The following CAMKMT variants were observed in gnomAD, a reference collection of about 807,000 sequenced individuals.
CAMKMT encodes CaM KMT.
A neutral mutation model predicts 48.0 loss-of-function variants in CAMKMT; 53 were observed. The observed-to-expected ratio is 1.10, with a 90% CI of 0.89 to 1.39. The LOEUF (loss-of-function observed/expected upper bound fraction) is 1.39, where lower values mean the gene tolerates loss of function less well. Ranked by LOEUF, CAMKMT falls within the 40% of genes most tolerant of loss-of-function variation. The pLI, the probability that CAMKMT is intolerant of heterozygous loss-of-function variation, is 0.00. For synonymous variants in CAMKMT, 165 were observed against 152.3 expected (o/e 1.08, Z -0.61); for missense variants, 428 against 402.7 (o/e 1.06, Z -0.54).
intron 3 of CAMKMT, among the ~76,000 whole-genome samples, chr2:44,522,445 TTG>T (rs1377801805): frequency 3.9e-5 from 6 of 152,234 alleles, no homozygotes; most frequent in African/African-American, 1.4e-4. Flanking sequence ...CTTCTCTCTC[TTG>T]GGCTCCTTGT....
At chr2:44,484,699 A>T (rs1298220927) in intron 3 of CAMKMT, among the ~76,000 whole-genome samples, 1 of 151,872 alleles carries the variant, frequency 6.6e-6, no homozygotes, top group African/African-American at 2.4e-5. Flanking sequence ...GACAAAAAAA[A>T]AAAAACCATA....
chr2:44,410,302 G>A (rs1390271718), intron 3 of CAMKMT, among the ~76,000 whole-genome samples: 1 of 108,504 alleles, frequency 9.2e-6, no homozygotes, highest in African/African-American at 4.3e-5. Flanking sequence ...TGTCGCCCAC[G>A]CTGGAGTGCA....
chr2:44,478,529 C>G lies in CAMKMT; in HGVS notation c.376+88224C>G, dbSNP rs958491889. The stretch of plus-strand genomic sequence containing the variant: ...CTGAATATGCTGAAATCCTTCTGCC[C>G]TTGGTTATAACACCTTTTATTTGTT... On this transcript the variant is annotated intron_variant, in intron 3 of 10. Transcript: ENST00000378494. Among the ~76,000 whole-genome samples the G allele has an allele frequency of 3.3e-5, 5 of 152,210 alleles. No homozygotes were observed. In the East Asian group the frequency reaches 9.6e-4, roughly 29 times the overall value.
chr2:44,641,320 G>A (rs1673440390), intron 3 of CAMKMT, among the ~76,000 whole-genome samples: 1 of 151,990 alleles, frequency 6.6e-6, no homozygotes, highest in East Asian at 1.9e-4. Context: ...TCCTTTCAAA[G>A]AATTATAGAG....
intron 3 of CAMKMT, among the ~76,000 whole-genome samples, chr2:44,563,897 C>G (rs1219959372): frequency 6.6e-6 from 1 of 152,106 alleles, no homozygotes; most frequent in East Asian, 1.9e-4. Context: ...TGGGTTGGTT[C>G]CAAGTCTTTG....
chr2:44,434,193 A>C (rs1242803065), intron 3 of CAMKMT, among the ~76,000 whole-genome samples: 1 of 150,250 alleles, frequency 6.7e-6, no homozygotes, highest in Non-Finnish European at 1.5e-5. Context: ...GAAACCAAGT[A>C]TTCAACTGTG....
chr2:44,444,325 A>G (rs1572889970), intron 3 of CAMKMT, among the ~76,000 whole-genome samples: 1 of 152,218 alleles, frequency 6.6e-6, no homozygotes, highest in Non-Finnish European at 1.5e-5. Flanking sequence ...GAATGACAGT[A>G]TTATAAGCTG....
chr2:44,606,341 A>T (rs2103877414), intron 3 of CAMKMT, among the ~76,000 whole-genome samples: 1 of 152,340 alleles, frequency 6.6e-6, no homozygotes, highest in Admixed American at 6.5e-5. Context: ...ACCTCTCAAA[A>T]TGACAAATAT....
At chr2:44,673,361 A>T (rs12478196) in intron 3 of CAMKMT, among the ~76,000 whole-genome samples, 2,095 of 151,502 alleles carry the variant, frequency 0.014, 21 homozygotes, top group Admixed American at 0.022. Flanking sequence ...TCAGAGGTCA[A>T]GGCTGCAGTA....
Position 44,446,942 on chromosome 2 carries a change from C to T in CAMKMT, c.376+56637C>T, listed in dbSNP as rs142246607. ...TGGGCTTTTCCTTATTCCTTTTCCA[C>T]GTTAGCATTTATGAAGGTAGTCTAT... is the stretch of plus-strand genomic sequence containing the variant. On this transcript the variant is annotated intron_variant, in intron 3 of 10. Coordinates refer to ENST00000378494, the MANE Select transcript of CAMKMT (RefSeq NM_024766.5). Among the ~76,000 whole-genome samples, 9 of 152,282 alleles carry T rather than the reference C, an allele frequency of 5.9e-5. No individual in the cohort carries two copies. The South Asian group carries it at 1.0e-3, about 18-fold the overall frequency.
At chr2:44,655,349 C>T (rs1674319058) in intron 3 of CAMKMT, among the ~76,000 whole-genome samples, 1 of 152,140 alleles carries the variant, frequency 6.6e-6, no homozygotes. Flanking sequence ...AATAATGATA[C>T]ATTATGCCTA....
chr2:44,424,421 G>C (rs144733391), intron 3 of CAMKMT, among the ~76,000 whole-genome samples: 1 of 152,052 alleles, frequency 6.6e-6, no homozygotes, highest in Non-Finnish European at 1.5e-5. Flanking sequence ...TTGCGCAAGT[G>C]GGGGCTATGT....
intron 3 of CAMKMT, among the ~76,000 whole-genome samples, chr2:44,457,559 C>T (rs1486293010): frequency 2.0e-5 from 3 of 151,818 alleles, no homozygotes; most frequent in African/African-American, 4.8e-5. Flanking sequence ...TCACCACGCC[C>T]GGCTAATTTT....
intron 7 of CAMKMT, among the ~76,000 whole-genome samples, chr2:44,728,786 T>C (rs1372644765): frequency 6.6e-6 from 1 of 151,824 alleles, no homozygotes; most frequent in Non-Finnish European, 1.5e-5. Flanking sequence ...CTGATTGTGC[T>C]TATTTGTATC....
intron 3 of CAMKMT, among the ~76,000 whole-genome samples, chr2:44,403,813 T>C (rs1232250876): frequency 2.0e-5 from 3 of 151,856 alleles, no homozygotes; most frequent in South Asian, 2.1e-4. Flanking sequence ...CATATGGTTC[T>C]TGTCAAATCT....
chr2:44,448,101 G>A (rs1667101337), intron 3 of CAMKMT, among the ~76,000 whole-genome samples: 1 of 152,012 alleles, frequency 6.6e-6, no homozygotes, highest in African/African-American at 2.4e-5. Context: ...GGTGAATATA[G>A]TTGTCCCTTG....
intron 3 of CAMKMT, among the ~76,000 whole-genome samples, chr2:44,511,769 T>C (rs1670570354): frequency 6.6e-6 from 1 of 152,188 alleles, no homozygotes; most frequent in South Asian, 2.1e-4. Context: ...TGGACTGTTC[T>C]TCCCTCAGAT....
intron 2 of CAMKMT, among the ~76,000 whole-genome samples, chr2:44,386,728 C>G (rs767492524): frequency 2.6e-5 from 4 of 152,062 alleles, no homozygotes; most frequent in Non-Finnish European, 4.4e-5. Context: ...TATTGTCATT[C>G]AGTTCGAAGA....
intron 3 of CAMKMT, among the ~76,000 whole-genome samples, chr2:44,507,634 T>C (rs1670329185): frequency 1.3e-5 from 2 of 152,220 alleles, no homozygotes; most frequent in Admixed American, 6.5e-5. Context: ...ATTTATTTAG[T>C]TCTGTTTATA....
Sources: gnomAD v4.1 joint callset for allele counts (sites outside exome capture counted in the v4.1 genomes callset) on GRCh38, gnomAD v4.1.1 for gene constraint, MANE v1.5 for transcripts, NCBI Gene and HGNC (gene_info 2026-07-23, HGNC 2026-07-21) for gene names.